Variants in UQCRC2 observed in about 807,000 individuals in gnomAD.
The protein encoded by UQCRC2 is ubiquinol-cytochrome c reductase core protein 2.
A neutral mutation model predicts 55.6 loss-of-function variants in UQCRC2; 49 were observed. That is an observed-to-expected ratio of 0.88 (90% confidence interval 0.70 to 1.12). The LOEUF is 1.12. Among genes scored for constraint, UQCRC2 ranks in the 50% most tolerant of loss-of-function variants. The pLI is 0.00. For missense variants in UQCRC2, 506 were observed against 547.8 expected (o/e 0.92, Z 0.76); for synonymous variants, 193 against 192.0 (o/e 1.01, Z -0.04).
chr16:21,978,344 A>G (rs575370090), intron 12 of UQCRC2, among the ~76,000 whole-genome samples: 3 of 152,192 alleles, frequency 2.0e-5, no homozygotes, highest in Admixed American at 1.3e-4. Flanking sequence ...GTAGAGTGTT[A>G]AAGGATGATA....
chr16:21,971,509 G>C lies in UQCRC2; in HGVS notation c.671-16G>C, dbSNP rs1313950261. The C allele has an allele frequency of 6.3e-7, 1 of 1,585,982 alleles. No homozygotes were observed. The highest frequency in any genetic ancestry group is 1.1e-5 in the South Asian group (1 of 87,088). On this transcript the variant is annotated splice_polypyrimidine_tract_variant and intron_variant, in intron 8 of 13. Coordinates refer to ENST00000268379, the MANE Select transcript of UQCRC2 (RefSeq NM_003366.4). ...TAATTGTGGTTCTAGCTTTGTTTTT[G>C]CTTCTGTTGAAACAGGTGTGAGTCA...
Position 21,971,516 on chromosome 16 carries a change from T to C in UQCRC2, c.671-9T>C. The C allele has an allele frequency of 6.2e-7, 1 of 1,601,504 alleles. No homozygotes were observed. The highest frequency in any genetic ancestry group is 1.1e-5 in the South Asian group (1 of 88,952). ...GGTTCTAGCTTTGTTTTTGCTTCTG[T>C]TGAAACAGGTGTGAGTCATCCTGTT... is the stretch of plus-strand genomic sequence containing the variant. On this transcript the variant is annotated splice_polypyrimidine_tract_variant and intron_variant, in intron 8 of 13. Transcript: ENST00000268379.
intron 4 of UQCRC2, among the ~76,000 whole-genome samples, chr16:21,960,454 T>A (rs1362042367): frequency 6.6e-6 from 1 of 152,232 alleles, no homozygotes; most frequent in East Asian, 1.9e-4. Context: ...TTTGATCTAA[T>A]CCAGACCAGT....
intron 12 of UQCRC2, among the ~76,000 whole-genome samples, chr16:21,977,683 T>G (rs965261564): frequency 6.6e-6 from 1 of 152,194 alleles, no homozygotes; most frequent in Non-Finnish European, 1.5e-5. Context: ...CTTAAGACAT[T>G]TAAGTTTGAC....
chr16:21,955,141 C>T lies in UQCRC2; in HGVS notation c.33+1685C>T, dbSNP rs545882976. ...AAACACCTAAAATCTCACTTGGTAACGGAATTATAGATTATTCATATTTGA... is the reference window on the plus strand; with the variant it reads ...AAACACCTAAAATCTCACTTGGTAATGGAATTATAGATTATTCATATTTGA... On this transcript the variant is annotated intron_variant, in intron 1 of 13. Transcript: ENST00000268379. Among the ~76,000 whole-genome samples the T allele has an allele frequency of 2.6e-5, 4 of 151,332 alleles. No individual in the cohort carries two copies. In the South Asian group the frequency reaches 8.4e-4, roughly 32 times the overall value.
At chr16:21,982,994 T>A in intron 13 of UQCRC2, 94 bp from the exon 14 acceptor site, 66 of 870,246 alleles carry the variant, frequency 7.6e-5, no homozygotes, top group Non-Finnish European at 1.1e-4. Flanking sequence ...GAATGTCCTA[T>A]CCATAAATTC....
At chr16:21,968,878 T>C (rs753087368) in intron 8 of UQCRC2, among the ~76,000 whole-genome samples, 193 bp downstream of exon 8, 3 of 152,222 alleles carry the variant, frequency 2.0e-5, no homozygotes, top group Non-Finnish European at 4.4e-5. Flanking sequence ...TTTAAATTTG[T>C]AAACCACTGG....
At chr16:21,981,828 G>A (rs1167739415) in intron 13 of UQCRC2, among the ~76,000 whole-genome samples, 1 of 151,162 alleles carries the variant, frequency 6.6e-6, no homozygotes, top group Non-Finnish European at 1.5e-5. Context: ...CGCCCCAATC[G>A]TCATTTCATA....
At chr16:21,957,133 C>T (rs1390328815) in intron 1 of UQCRC2, 102 bp from the exon 2 acceptor site, 5 of 1,091,650 alleles carry the variant, frequency 4.6e-6, no homozygotes, top group Non-Finnish European at 6.7e-6. Context: ...CTCCTTCCAC[C>T]CCCGAACACC....
intron 7 of UQCRC2, among the ~76,000 whole-genome samples, chr16:21,967,685 G>T (rs1898359294): frequency 6.6e-6 from 1 of 152,120 alleles, no homozygotes; most frequent in African/African-American, 2.4e-5. Flanking sequence ...AGTCTGTAGG[G>T]TAAGTCCCAA....
Position 21,980,641 on chromosome 16 carries a change from A to T in UQCRC2, c.1219A>T (p.Met407Leu). 6.2e-7 allele frequency: 1 copy of T among 1,614,214 alleles called. No homozygotes were observed. Among genetic ancestry groups the T allele is most frequent in the Non-Finnish European group, 8.5e-7 (1 of 1,180,046 alleles). The change falls in exon 13 of 14, where the codon ATG becomes TTG. Residue 407 changes from methionine to leucine, a missense_variant. Transcript: ENST00000268379. ...CCAGGCTCTAGTTGCTGGTTCTTAC[A>T]TGCCACCATCCACAGTCCTTCAGCA... ...GSQALVAGSYMPPSTVLQQID... is the reference protein window; with the variant it reads ...GSQALVAGSYLPPSTVLQQID...
At chr16:21,961,078 AC>A (rs1006026757) in intron 4 of UQCRC2, among the ~76,000 whole-genome samples, 7 of 152,000 alleles carry the variant, frequency 4.6e-5, no homozygotes, top group African/African-American at 1.7e-4. Flanking sequence ...TGATCCTCTC[AC>A]CTCAGCCCAG....
intron 4 of UQCRC2, among the ~76,000 whole-genome samples, chr16:21,960,225 A>G (rs1284353943): frequency 1.3e-5 from 2 of 151,796 alleles, no homozygotes; most frequent in Admixed American, 6.6e-5. Flanking sequence ...CGATGATCTT[A>G]TGTAGATCTT....
intron 1 of UQCRC2, 49 bp from the exon 2 acceptor site, chr16:21,957,186 A>G: frequency 6.3e-7 from 1 of 1,584,454 alleles, no homozygotes. Flanking sequence ...TTTTATATAA[A>G]GCACTGTTCT....
At position 21,971,507 on chromosome 16, in the gene UQCRC2, T is replaced by C; in HGVS notation, c.671-18T>C. 5.7e-6 allele frequency: 9 copies of C among 1,587,518 alleles called. No homozygotes were observed. The highest frequency in any genetic ancestry group is 7.7e-6 in the Non-Finnish European group (9 of 1,165,408). The stretch of plus-strand genomic sequence containing the variant: ...AGTAATTGTGGTTCTAGCTTTGTTT[T>C]TGCTTCTGTTGAAACAGGTGTGAGT... On this transcript the variant is annotated intron_variant, in intron 8 of 13. Transcript: ENST00000268379.
chr16:21,969,031 A>G (rs998105154), intron 8 of UQCRC2, among the ~76,000 whole-genome samples: 1 of 152,188 alleles, frequency 6.6e-6, no homozygotes, highest in African/African-American at 2.4e-5. Context: ...CATGGGAGAA[A>G]TATGTTTGTA....
chr16:21,982,199 A>C (rs1255538317), intron 13 of UQCRC2, among the ~76,000 whole-genome samples: 1 of 152,004 alleles, frequency 6.6e-6, no homozygotes, highest in Non-Finnish European at 1.5e-5. Context: ...TGTGCGTCCC[A>C]ACCCGACTGC....
At chr16:21,966,426 G>A (rs554838912) in intron 7 of UQCRC2, among the ~76,000 whole-genome samples, 2 of 152,106 alleles carry the variant, frequency 1.3e-5, no homozygotes, top group African/African-American at 4.8e-5. Context: ...GTAGATATGT[G>A]CGTATAATCT....
intron 11 of UQCRC2, among the ~76,000 whole-genome samples, chr16:21,974,291 T>G (rs1365723892): frequency 1.3e-5 from 2 of 152,178 alleles, no homozygotes; most frequent in African/African-American, 4.8e-5. Flanking sequence ...TTTGCAAGTC[T>G]TCAGTGTAGA....
Sources: allele counts gnomAD v4.1 joint callset (sites outside exome capture counted in the v4.1 genomes callset), GRCh38; gene constraint gnomAD v4.1.1; transcripts MANE v1.5; gene names NCBI Gene and HGNC (gene_info 2026-07-23, HGNC 2026-07-21).